Variants in PKHD1L1 observed in about 807,000 individuals in gnomAD.
PKHD1L1 encodes fibrocystin-L.
A neutral mutation model predicts 462.9 loss-of-function variants in PKHD1L1; 434 were observed. The observed-to-expected ratio is 0.94, with a 90% CI of 0.87 to 1.02. PKHD1L1 has a LOEUF of 1.02. Among genes scored for constraint, PKHD1L1 ranks in the 50% least tolerant of loss-of-function variants. PKHD1L1 has a pLI of 0.00. For missense variants in PKHD1L1, 5,202 were observed against 5,096.1 expected, an observed-to-expected ratio of 1.02 and a Z score of -0.63; for synonymous variants, 1,781 against 1,750.0, an observed-to-expected ratio of 1.02 and a Z score of -0.44.
chr8:109,493,152 C>A (rs1271174953), intron 62 of PKHD1L1, among the ~76,000 whole-genome samples: 1 of 149,662 alleles, frequency 6.7e-6, no homozygotes, highest in Admixed American at 6.8e-5. Context: ...GGCAACATAG[C>A]GAGACCCTGT....
At chr8:109,500,520 C>CAAAA (rs542817713) in intron 67 of PKHD1L1, among the ~76,000 whole-genome samples, 1 of 43,690 alleles carries the variant, frequency 2.3e-5, no homozygotes, top group African/African-American at 7.2e-5. Flanking sequence ...ACTAAAAATA[C>CAAAA]AAAAAAAAAA....
chr8:109,451,195 G>C, intron 41 of PKHD1L1, 46 bp downstream of exon 41: 2 of 1,528,484 alleles, frequency 1.3e-6, no homozygotes, highest in Non-Finnish European at 1.8e-6. Context: ...TTCCAGACTT[G>C]AGCCATTACT....
chr8:109,423,613 G>A (rs1814586387), intron 23 of PKHD1L1, among the ~76,000 whole-genome samples: 1 of 151,984 alleles, frequency 6.6e-6, no homozygotes, highest in African/African-American at 2.4e-5. Flanking sequence ...TAGGTCCTGT[G>A]CCTTCCCATA....
chr8:109,412,038 G>GA (rs966125514), intron 19 of PKHD1L1, among the ~76,000 whole-genome samples: 40 of 152,118 alleles, frequency 2.6e-4, no homozygotes, highest in Non-Finnish European at 4.9e-4. Flanking sequence ...ACAAAGTAAG[G>GA]AAAAAAATCA....
intron 12 of PKHD1L1, 41 bp downstream of exon 12, chr8:109,398,589 A>T (rs759534140): frequency 1.1e-6 from 1 of 887,476 alleles, no homozygotes; most frequent in Non-Finnish European, 1.7e-6. Context: ...CTATATTCAC[A>T]TAAAAAGAAT....
chr8:109,444,702 T>G lies in PKHD1L1; in HGVS notation c.4833T>G (p.Ser1611Arg), dbSNP rs756056607. 8 of 1,613,830 alleles carry G rather than the reference T, an allele frequency of 5.0e-6. No individual in the cohort carries two copies. In the South Asian group the frequency reaches 8.8e-5, roughly 18 times the overall value. Reference sequence around the variant, plus strand: ...ACCCCTGTGTCGTAGAAGAAAGTAGTGAGGATTCAATTACATGTCATATTG... The same window carrying G: ...ACCCCTGTGTCGTAGAAGAAAGTAGGGAGGATTCAATTACATGTCATATTG... The part of the protein sequence containing the change: ...GSYPCVVEES[S>R]EDSITCHIDP... Residue 1611 changes from serine (S) to arginine (R), a missense_variant, in exon 38 of 78, where the codon AGT (serine) becomes AGG (arginine). Physicochemically the swap from Ser to Arg is moderately radical, Grantham distance 110. Coordinates refer to ENST00000378402, the MANE Select transcript of PKHD1L1 (RefSeq NM_177531.6).
chr8:109,435,709 C>T (rs1815369629), intron 29 of PKHD1L1, among the ~76,000 whole-genome samples: 1 of 152,152 alleles, frequency 6.6e-6, no homozygotes, highest in Admixed American at 6.5e-5. Flanking sequence ...CTTCTTGACC[C>T]AGACAAAGTT....
intron 62 of PKHD1L1, 32 bp from the exon 63 acceptor site, chr8:109,493,629 T>G (rs544598632): frequency 7.9e-6 from 11 of 1,395,792 alleles, no homozygotes; most frequent in Middle Eastern, 1.8e-4. Context: ...ACTAGCCTGA[T>G]GCACAGTATT....
intron 23 of PKHD1L1, among the ~76,000 whole-genome samples, chr8:109,422,311 G>C (rs1049179758): frequency 6.6e-6 from 1 of 152,144 alleles, no homozygotes; most frequent in Non-Finnish European, 1.5e-5. Context: ...GTTCTATTAC[G>C]AGCGTCTCTT....
chr8:109,441,491 T>C lies in PKHD1L1; in HGVS notation c.4204+112T>C, dbSNP rs539119544. 5.1e-5 allele frequency: 37 copies of C among 729,074 alleles called. No individual in the cohort carries two copies. The African/African-American group carries it at 6.5e-4, about 13-fold the overall frequency. 45.2% of individuals were successfully genotyped at this position (729,074 alleles called of 1,614,324 possible). A position where few individuals can be genotyped will look rare whatever the true frequency, so the allele number is the denominator to read the frequency against. ...TTGAGAGACTAAGTATTGTTATTTCTTTTATAATTTGTCAGCAGTAACTGC... is the reference window on the plus strand; with the variant it reads ...TTGAGAGACTAAGTATTGTTATTTCCTTTATAATTTGTCAGCAGTAACTGC... On this transcript the variant is annotated intron_variant, in intron 34 of 77. Coordinates refer to ENST00000378402, the MANE Select transcript of PKHD1L1 (RefSeq NM_177531.6).
At chr8:109,365,973 A>AAAG (rs962539967) in intron 2 of PKHD1L1, among the ~76,000 whole-genome samples, 3 of 152,166 alleles carry the variant, frequency 2.0e-5, no homozygotes, top group African/African-American at 7.2e-5. Flanking sequence ...TCTCCATCTC[A>AAAG]AAGAAGAAGA....
intron 76 of PKHD1L1, among the ~76,000 whole-genome samples, chr8:109,526,070 A>AT (rs1317487258): frequency 1.1e-4 from 17 of 152,170 alleles, no homozygotes; most frequent in African/African-American, 3.6e-4. Context: ...AGGAAGGAAA[A>AT]ATATATTGGT....
At position 109,498,507 on chromosome 8, in the gene PKHD1L1, G is replaced by A. The variant is rs375850926; in HGVS notation, c.10645G>A (p.Val3549Ile). Reference protein sequence around the residue: ...GSSPGFNCSDVLTNDDPNIEL... With the variant: ...GSSPGFNCSDILTNDDPNIEL... ...TAGCCCTGGGTTTAATTGCTCTGAT[G>A]TCCTAACTAATGATGATCCTAATAT... Residue 3549 changes from valine to isoleucine, a missense_variant, in exon 66 of 78, where the codon GTC (valine) becomes ATC (isoleucine). Transcript: ENST00000378402. 1.3e-4 allele frequency: 214 copies of A among 1,613,582 alleles called. 1 individual carries two copies. Among genetic ancestry groups the A allele is most frequent in the Admixed American group, 6.0e-4 (36 of 60,006 alleles).
intron 55 of PKHD1L1, chr8:109,480,401 G>A (rs1037351169): frequency 2.3e-5 from 10 of 427,246 alleles, no homozygotes; most frequent in Non-Finnish European, 4.3e-5. Context: ...GAATATCTAT[G>A]TCATTATGAG....
chr8:109,466,951 T>C (rs1165353586), intron 50 of PKHD1L1, among the ~76,000 whole-genome samples, 182 bp downstream of exon 50: 2 of 152,064 alleles, frequency 1.3e-5, no homozygotes, highest in South Asian at 2.1e-4. Context: ...ATTTTATAAA[T>C]GCAGAGGCTA....
chr8:109,440,922 G>A, intron 33 of PKHD1L1, 70 bp downstream of exon 33: 1 of 1,479,500 alleles, frequency 6.8e-7, no homozygotes, highest in Non-Finnish European at 9.1e-7. Flanking sequence ...CAGGTGCTGA[G>A]TTATTATATG....
intron 9 of PKHD1L1, among the ~76,000 whole-genome samples, chr8:109,393,279 G>A (rs144250467): frequency 2.1e-4 from 32 of 151,738 alleles, no homozygotes; most frequent in East Asian, 1.4e-3. Flanking sequence ...TGTTGGTCTC[G>A]GTGACAAGAT....
chr8:109,406,546 C>T, intron 17 of PKHD1L1, 68 bp downstream of exon 17: 2 of 1,414,252 alleles, frequency 1.4e-6, no homozygotes, highest in East Asian at 2.6e-5. Flanking sequence ...TCTAAAAGTT[C>T]CATAAGATGA....
intron 58 of PKHD1L1, 123 bp from the exon 59 acceptor site, chr8:109,486,525 A>T: frequency 1.4e-6 from 1 of 728,270 alleles, no homozygotes; most frequent in Non-Finnish European, 2.2e-6. Flanking sequence ...ATGTAAATGT[A>T]ATCATGCATT....
Sources: gnomAD v4.1 joint callset for allele counts (sites outside exome capture counted in the v4.1 genomes callset) on GRCh38, gnomAD v4.1.1 for gene constraint, MANE v1.5 for transcripts, NCBI Gene and HGNC (gene_info 2026-07-23, HGNC 2026-07-21) for gene names.